NRXN1: variants seen among roughly 807,000 people sequenced by gnomAD.
NRXN1 encodes the protein neurexin 1.
In NRXN1, 39 loss-of-function variants were observed where a neutral mutation model predicts 150.9. The observed-to-expected ratio is 0.26, with a 90% CI of 0.20 to 0.34. The LOEUF (loss-of-function observed/expected upper bound fraction) is 0.34, where lower values mean the gene tolerates loss of function less well. Ranked by LOEUF, NRXN1 falls within the 10% of genes least tolerant of loss-of-function variation. NRXN1 has a pLI of 1.00. For missense variants in NRXN1, 1,815 were observed against 1,949.9 expected, an observed-to-expected ratio of 0.93 and a Z score of 1.30; for synonymous variants, 924 against 757.0, an observed-to-expected ratio of 1.22 and a Z score of -3.62.
At chr2:50,023,391 A>G (rs1223060449) in intron 21 of NRXN1, 1 of 152,170 alleles carries the variant, frequency 6.6e-6, no homozygotes, top group Non-Finnish European at 1.5e-5. Context: ...GTACTGTCCA[A>G]CTAAAAAGGA....
chr2:50,937,653 A>T lies in NRXN1; in HGVS notation c.773-11698T>A, dbSNP rs1272927992. 4.6e-5 allele frequency among the ~76,000 whole-genome samples: 7 copies of T among 152,160 alleles called. No individual in the cohort carries two copies. The East Asian group carries it at 1.3e-3, about 29-fold the overall frequency. On this transcript the variant is annotated intron_variant, in intron 2 of 22. Coordinates refer to ENST00000401669, the MANE Select transcript of NRXN1 (RefSeq NM_001330078.2). ...GTTGTTTATGAAGTAGATGATGATG[A>T]TGATGAAGATGATGACAATGATGAT...
chr2:50,222,433 T>A (rs1471616100), intron 18 of NRXN1, among the ~76,000 whole-genome samples: 1 of 152,036 alleles, frequency 6.6e-6, no homozygotes, highest in African/African-American at 2.4e-5. Flanking sequence ...CTCCAGTTTG[T>A]GATATCTTCA....
intron 18 of NRXN1, among the ~76,000 whole-genome samples, chr2:50,141,950 G>A (rs754353508): frequency 1.3e-5 from 2 of 152,026 alleles, no homozygotes; most frequent in Admixed American, 6.6e-5. Flanking sequence ...CCACTACTGG[G>A]TATTTATCCA....
intron 5 of NRXN1, among the ~76,000 whole-genome samples, chr2:50,719,819 C>T (rs1404996468): frequency 6.6e-6 from 1 of 152,162 alleles, no homozygotes; most frequent in African/African-American, 2.4e-5. Context: ...TCCTGAAAGG[C>T]TTCCTTAGGC....
intron 17 of NRXN1, among the ~76,000 whole-genome samples, chr2:50,344,222 A>AT (rs770773734): frequency 3.1e-4 from 47 of 152,002 alleles, no homozygotes; most frequent in East Asian, 1.3e-3. Flanking sequence ...CCATTTCTCC[A>AT]TCCCCCACCC....
intron 5 of NRXN1, among the ~76,000 whole-genome samples, chr2:50,729,073 A>G (rs1173547360): frequency 6.6e-6 from 1 of 152,182 alleles, no homozygotes; most frequent in East Asian, 1.9e-4. Flanking sequence ...AAACTTGATA[A>G]AGCATTATGA....
intron 18 of NRXN1, among the ~76,000 whole-genome samples, chr2:50,168,530 T>G (rs1490497421): frequency 1.3e-5 from 2 of 152,188 alleles, no homozygotes; most frequent in Non-Finnish European, 2.9e-5. Context: ...AGAGAAGGAA[T>G]AGAATTAACA....
chr2:50,321,963 CTGAGT>C (rs1159533213), intron 17 of NRXN1, among the ~76,000 whole-genome samples: 1 of 149,956 alleles, frequency 6.7e-6, no homozygotes, highest in Non-Finnish European at 1.5e-5. Flanking sequence ...TGAGAATTAG[CTGAGT>C]TATCATTGAT....
chr2:50,051,779 T>C (rs1692749787), intron 21 of NRXN1, among the ~76,000 whole-genome samples: 1 of 152,088 alleles, frequency 6.6e-6, no homozygotes, highest in Non-Finnish European at 1.5e-5. Context: ...GGGGTTTCGT[T>C]TGCTGTTACC....
At chr2:50,134,388 C>G (rs1406949450) in intron 18 of NRXN1, among the ~76,000 whole-genome samples, 2 of 151,608 alleles carry the variant, frequency 1.3e-5, no homozygotes, top group Non-Finnish European at 2.9e-5. Flanking sequence ...TCAAGAAAGA[C>G]TGCACGTGGT....
At chr2:50,024,684 G>A (rs974461550) in intron 21 of NRXN1, among the ~76,000 whole-genome samples, 3 of 151,780 alleles carry the variant, frequency 2.0e-5, no homozygotes, top group Non-Finnish European at 2.9e-5. Flanking sequence ...GTCCGATCTC[G>A]GCTCGCTGCA....
chr2:50,173,703 A>G (rs1481406419), intron 18 of NRXN1, among the ~76,000 whole-genome samples: 1 of 152,138 alleles, frequency 6.6e-6, no homozygotes, highest in Admixed American at 6.5e-5. Context: ...CTACTGCCTT[A>G]TATTTTATGT....
At chr2:50,782,064 A>T (rs571316205) in intron 5 of NRXN1, among the ~76,000 whole-genome samples, 86 of 152,332 alleles carry the variant, frequency 5.6e-4, no homozygotes, top group African/African-American at 1.7e-3. Context: ...ACAATTAACT[A>T]CAAAATGTTT....
chr2:50,277,869 T>C (rs2070764114), intron 17 of NRXN1, among the ~76,000 whole-genome samples: 1 of 151,920 alleles, frequency 6.6e-6, no homozygotes, highest in Non-Finnish European at 1.5e-5. Context: ...CTATACAATC[T>C]ACCTTGATCA....
intron 2 of NRXN1, among the ~76,000 whole-genome samples, chr2:50,926,670 G>T (rs1686936543): frequency 1.3e-5 from 2 of 151,996 alleles, no homozygotes; most frequent in Admixed American, 1.3e-4. Flanking sequence ...AATTTGGTTT[G>T]TCGTGATTTA....
At position 50,538,452 on chromosome 2, in the gene NRXN1, G is replaced by A; in HGVS notation, c.1944C>T (p.Phe648=). The A allele has an allele frequency of 6.2e-7, 1 of 1,613,884 alleles. No individual in the cohort carries two copies. Among genetic ancestry groups the A allele is most frequent in the Non-Finnish European group, 8.5e-7 (1 of 1,179,856 alleles). ...YGYVGCIRDL[F]IDGQSKDIRQ... ...GGATATCTTTGCTTTGGCCATCGATGAACAAATCCCTGATGCAGCCCACGT... is the reference window on the plus strand; with the variant it reads ...GGATATCTTTGCTTTGGCCATCGATAAACAAATCCCTGATGCAGCCCACGT... The change falls in exon 10 of 23, where the codon TTC becomes TTT. Residue 648 remains phenylalanine, a synonymous_variant. Coordinates refer to ENST00000401669, the MANE Select transcript of NRXN1 (RefSeq NM_001330078.2).
chr2:50,879,981 A>G (rs1679187201), intron 5 of NRXN1, among the ~76,000 whole-genome samples: 1 of 151,886 alleles, frequency 6.6e-6, no homozygotes, highest in South Asian at 2.1e-4. Flanking sequence ...TTCAGCACTG[A>G]ATTAAAGATG....
intron 5 of NRXN1, among the ~76,000 whole-genome samples, chr2:50,654,883 T>G (rs370823697): frequency 2.5e-4 from 38 of 152,036 alleles, no homozygotes; most frequent in African/African-American, 8.4e-4. Context: ...AATATAGTGA[T>G]TCCATTCAAA....
At position 50,769,913 on chromosome 2, in the gene NRXN1, AC is replaced by A. The variant is rs560793347; in HGVS notation, c.833-146299del. Among the ~76,000 whole-genome samples the A allele has an allele frequency of 3.5e-3, 539 of 152,224 alleles. 2 individuals carry two copies. Among genetic ancestry groups the A allele is most frequent in the Middle Eastern group, 0.01 (3 of 294 alleles). On this transcript the variant is annotated intron_variant, in intron 5 of 22. Coordinates refer to ENST00000401669, the MANE Select transcript of NRXN1 (RefSeq NM_001330078.2). ...ATCAAAAATCCAAATTCAATGCTGA[AC>A]AAATAATGTTTGGGAATTGTACTGT... is the stretch of plus-strand genomic sequence containing the variant.
Sources: gnomAD v4.1 joint callset for allele counts (sites outside exome capture counted in the v4.1 genomes callset) on GRCh38, gnomAD v4.1.1 for gene constraint, MANE v1.5 for transcripts, NCBI Gene and HGNC (gene_info 2026-07-23, HGNC 2026-07-21) for gene names.